Variants in MSL3 observed in about 807,000 individuals in gnomAD.
The protein encoded by MSL3 is MSL complex subunit 3.
A neutral mutation model predicts 37.2 loss-of-function variants in MSL3; 5 were observed. The ratio of observed to expected loss-of-function variants is 0.13; its 90% CI spans 0.07 to 0.28. MSL3 has a LOEUF of 0.28. MSL3 is among the 10% of genes least tolerant of loss of function. The pLI, the probability that MSL3 is intolerant of heterozygous loss-of-function variation, is 1.00. For synonymous variants in MSL3, 149 were observed against 147.6 expected, an observed-to-expected ratio of 1.01 and a Z score of -0.07; for missense variants, 315 against 408.5, an observed-to-expected ratio of 0.77 and a Z score of 1.97.
intron 1 of MSL3, chrX:11,758,828 G>T: frequency 2.7e-6 from 3 of 1,112,012 alleles, no homozygotes; most frequent in Non-Finnish European, 3.6e-6. Flanking sequence ...TTGTGTCCCT[G>T]GGACCCTAGT....
At position 11,758,261 on chromosome X, in the gene MSL3, C is replaced by A. The variant is rs1302346866; in HGVS notation, c.-3C>A. Reference sequence around the variant, plus strand: ...GAGCCTCGCCCTCCGCCACGATGAGCAAATGAGCGCGAGCGAGGGCATGAA... The same window carrying A: ...GAGCCTCGCCCTCCGCCACGATGAGAAAATGAGCGCGAGCGAGGGCATGAA... On this transcript the variant is annotated 5_prime_UTR_variant, in exon 1 of 13. Coordinates refer to ENST00000312196, the MANE Select transcript of MSL3 (RefSeq NM_078629.4). 9.5e-7 allele frequency: 1 copy of A among 1,056,238 alleles called. No individual in the cohort carries two copies. Among genetic ancestry groups the A allele is most frequent in the Admixed American group, 2.9e-5 (1 of 34,416 alleles). 87.0% of individuals were successfully genotyped at this position (1,056,238 alleles called of 1,213,427 possible).
chrX:11,768,358 T>G (rs2053203886), intron 9 of MSL3: 3 of 335,830 alleles, frequency 8.9e-6, no homozygotes, highest in Non-Finnish European at 1.5e-5. Context: ...GCATAGTCTT[T>G]TAAGGTTCAT....
chrX:11,766,435 G>C, intron 9 of MSL3: 1 of 753,474 alleles, frequency 1.3e-6, no homozygotes, highest in Non-Finnish European at 1.6e-6. Context: ...ACTAACATTA[G>C]CTATTATACA....
chrX:11,759,753 G>C, intron 1 of MSL3, 40 bp from the exon 2 acceptor site: 2 of 1,207,883 alleles, frequency 1.7e-6, no homozygotes, highest in Non-Finnish European at 2.2e-6. Context: ...CTAATTTTCT[G>C]TATGTTCTGC....
intron 9 of MSL3, chrX:11,767,822 T>G: frequency 2.8e-6 from 2 of 705,008 alleles, no homozygotes; most frequent in Non-Finnish European, 3.4e-6. Context: ...TCTATAGATT[T>G]GCCAGTTTGG....
rs189559783 is a variant in MSL3, at chrX:11,766,836, A to G, written c.1171+1107A>G. On this transcript the variant is annotated intron_variant, in intron 9 of 12. Coordinates refer to ENST00000312196, the MANE Select transcript of MSL3 (RefSeq NM_078629.4). ...AGCTGCTCGCAGGCTGTGAAATCTA[A>G]GACACCCCTCATAAATATCAAAAAC... 1.0e-3 allele frequency: 752 copies of G among 753,096 alleles called. 3 individuals carry two copies. The African/African-American group carries it at 0.016, about 16-fold the overall frequency. The allele number at this position is 753,096 out of a possible 1,213,427, so 62.1% of individuals were successfully genotyped here. A position where few individuals can be genotyped will look rare whatever the true frequency, so the allele number is the denominator to read the frequency against.
intron 1 of MSL3, 135 bp downstream of exon 1, chrX:11,758,500 A>G (rs1283940934): frequency 7.7e-5 from 77 of 1,000,983 alleles, no homozygotes; most frequent in Non-Finnish European, 9.6e-5. Context: ...TGCGGCCGGC[A>G]GGGGGCGCTC....
chrX:11,759,947 T>G, intron 2 of MSL3, 72 bp downstream of exon 2: 1 of 1,098,935 alleles, frequency 9.1e-7, no homozygotes, highest in South Asian at 2.1e-5. Flanking sequence ...GACTTAAGTT[T>G]CAGAAACACT....
At chrX:11,762,023 T>C in intron 5 of MSL3, 107 bp from the exon 6 acceptor site, 3 of 606,099 alleles carry the variant, frequency 4.9e-6, no homozygotes, top group Non-Finnish European at 7.4e-6. Context: ...ACACGTGGCA[T>C]ACTATGATTG....
Position 11,761,526 on chromosome X carries a change from G to C in MSL3, c.409G>C (p.Glu137Gln). 8.3e-7 allele frequency: 1 copy of C among 1,200,742 alleles called. No homozygotes were observed. The highest frequency in any genetic ancestry group is 1.1e-6 in the Non-Finnish European group (1 of 888,901). Residue 137 changes from glutamate (E) to glutamine (Q), a missense_variant, in exon 5 of 13, where the codon GAA (glutamate) becomes CAA (glutamine). Physicochemically the swap from Glu to Gln is conservative, Grantham distance 29. Transcript: ENST00000312196. ...NSLSSSSDCSENKDEEISEES... is the reference protein window; with the variant it reads ...NSLSSSSDCSQNKDEEISEES... ...ATTAAGCAGTTCCTCTGACTGTAGT[G>C]AAAACAAGGATGAAGAAATAAGTGA...
Position 11,758,351 on chromosome X carries a change from C to G in MSL3, c.88C>G (p.Leu30Val). Residue 30 changes from leucine to valine, a missense_variant, in exon 1 of 13, where the codon CTG (leucine) becomes GTG (valine). Transcript: ENST00000312196. ...GCCTGACCCCACCAAGGCGCGAGTG[C>G]TGTACGATGCCAAGGTGCCGCCGCG... ...FEPDPTKARVLYDAKIVDVIV... is the reference protein window; with the variant it reads ...FEPDPTKARVVYDAKIVDVIV... The G allele has an allele frequency of 8.9e-7, 1 of 1,124,391 alleles. No homozygotes were observed. The highest frequency in any genetic ancestry group is 1.9e-5 in the African/African-American group (1 of 53,259). 92.7% of individuals were successfully genotyped at this position (1,124,391 alleles called of 1,213,427 possible).
intron 12 of MSL3, among the ~76,000 whole-genome samples, chrX:11,773,828 A>G (rs1212633554): frequency 2.7e-5 from 3 of 112,326 alleles, no homozygotes; most frequent in Admixed American, 9.4e-5. Flanking sequence ...ATTCGAAGAT[A>G]TCAACCAGAA....
rs990906405 is a variant in MSL3, at chrX:11,766,907, C to G, written c.1171+1178C>G. ...GGTAAAACTACTTGGAGTCGAATCC[C>G]CATGCCCCAGTAGGTGTATCTTGTG... On this transcript the variant is annotated intron_variant, in intron 9 of 12. Transcript: ENST00000312196. 5 of 753,128 alleles carry G rather than the reference C, an allele frequency of 6.6e-6. No homozygotes were observed. The Admixed American group carries it at 4.4e-4, about 66-fold the overall frequency. The allele number at this position is 753,128 out of a possible 1,213,427, so 62.1% of individuals were successfully genotyped here.
chrX:11,774,915 A>G (rs1383637902), intron 12 of MSL3, 65 bp from the exon 13 acceptor site: 4 of 783,763 alleles, frequency 5.1e-6, no homozygotes, highest in Non-Finnish European at 7.6e-6. Flanking sequence ...GTTGAAAGTC[A>G]ATATTTTGCT....
intron 1 of MSL3, 155 bp from the exon 2 acceptor site, chrX:11,759,638 G>A (rs2053110060): frequency 2.7e-6 from 3 of 1,093,785 alleles, no homozygotes; most frequent in East Asian, 6.6e-5. Context: ...CCACTTGGGG[G>A]AAAAAAATGA....
upstream of MSL3, chrX:11,758,219 G>A: frequency 3.2e-6 from 1 of 311,360 alleles, no homozygotes; most frequent in Non-Finnish European, 4.8e-6. Context: ...CCCACCGCGC[G>A]CGCTCCGCCC....
intron 10 of MSL3, among the ~76,000 whole-genome samples, chrX:11,769,556 A>G (rs558561983): frequency 2.7e-5 from 3 of 112,124 alleles, no homozygotes; most frequent in Middle Eastern, 9.1e-3. Flanking sequence ...TTTTAAGGTG[A>G]GTAGGAGTTG....
Position 11,763,817 on chromosome X carries a change from A to G in MSL3, c.787A>G (p.Ile263Val). 8.3e-7 allele frequency: 1 copy of G among 1,205,844 alleles called. No individual in the cohort carries two copies. Among genetic ancestry groups the G allele is most frequent in the East Asian group, 3.0e-5 (1 of 33,813 alleles). Residue 263 changes from isoleucine (I) to valine (V), a missense_variant, in exon 8 of 13, where the codon ATA (isoleucine) becomes GTA (valine). Physicochemically the swap from Ile to Val is conservative, Grantham distance 29 (BLOSUM62 3). Transcript: ENST00000312196. Reference sequence around the variant, plus strand: ...TAAGGAGATGGTGGATGGATTAAGAATAACCTTTGATTACACTCTCCCGTT... The same window carrying G: ...TAAGGAGATGGTGGATGGATTAAGAGTAACCTTTGATTACACTCTCCCGTT... The part of the protein sequence containing the change: ...LCKEMVDGLR[I>V]TFDYTLPLVL...
At chrX:11,760,353 T>A in intron 2 of MSL3, 50 bp from the exon 3 acceptor site, 1 of 910,557 alleles carries the variant, frequency 1.1e-6, no homozygotes, top group Non-Finnish European at 1.5e-6. Context: ...CTTTTAGTCG[T>A]TGTTTCATAT....
Sources: allele counts gnomAD v4.1 joint callset (sites outside exome capture counted in the v4.1 genomes callset), GRCh38; gene constraint gnomAD v4.1.1; transcripts MANE v1.5; gene names NCBI Gene and HGNC (gene_info 2026-07-23, HGNC 2026-07-21).